The following PCNX2 variants were observed in gnomAD, a reference collection of about 807,000 sequenced individuals.
The protein encoded by PCNX2 is pecanex-like protein 2.
Under a neutral mutation model 223.8 loss-of-function variants are expected in PCNX2, and 168 were observed. The observed-to-expected ratio is 0.75, with a 90% CI of 0.66 to 0.85. The LOEUF is 0.85. PCNX2 is among the 40% of genes least tolerant of loss of function. The pLI, the probability that PCNX2 is intolerant of heterozygous loss-of-function variation, is 0.00. For synonymous variants in PCNX2, 1,006 were observed against 1,052.6 expected, an observed-to-expected ratio of 0.96 and a Z score of 0.86; for missense variants, 2,507 against 2,675.5, an observed-to-expected ratio of 0.94 and a Z score of 1.39.
At chr1:233,044,672 T>C (rs1181231362) in intron 25 of PCNX2, among the ~76,000 whole-genome samples, 1 of 151,890 alleles carries the variant, frequency 6.6e-6, no homozygotes, top group Non-Finnish European at 1.5e-5. Context: ...TTGTATTCTT[T>C]CTTTTTTTTT....
chr1:233,130,458 C>A (rs1278451802), intron 21 of PCNX2, among the ~76,000 whole-genome samples: 2 of 129,742 alleles, frequency 1.5e-5, no homozygotes, highest in Non-Finnish European at 3.3e-5. Context: ...TTTCTGCCCC[C>A]CAACTTTTGT....
chr1:233,283,694 GA>G (rs768038530), intron 1 of PCNX2, among the ~76,000 whole-genome samples: 14 of 147,974 alleles, frequency 9.5e-5, no homozygotes, highest in East Asian at 5.9e-4. Context: ...GAGGACGGGG[GA>G]AAAAAAAACT....
At chr1:233,122,372 A>G (rs889895621) in intron 21 of PCNX2, among the ~76,000 whole-genome samples, 1 of 152,126 alleles carries the variant, frequency 6.6e-6, no homozygotes. Flanking sequence ...CATTCCTTCA[A>G]TGTGGGCTGT....
intron 1 of PCNX2, among the ~76,000 whole-genome samples, chr1:233,264,136 C>G (rs1196070890): frequency 6.6e-6 from 1 of 152,118 alleles, no homozygotes; most frequent in Non-Finnish European, 1.5e-5. Flanking sequence ...TCACTGGGAC[C>G]CGTGGAGTTG....
At chr1:233,100,985 T>C (rs11580152) in intron 21 of PCNX2, among the ~76,000 whole-genome samples, 22,912 of 152,210 alleles carry the variant, frequency 0.15, 1,809 homozygotes, top group East Asian at 0.21. Flanking sequence ...CAAGGCTGAA[T>C]GGCATCGCAG....
intron 1 of PCNX2, among the ~76,000 whole-genome samples, chr1:233,266,289 C>G (rs1398434526): frequency 6.6e-6 from 1 of 152,198 alleles, no homozygotes; most frequent in Non-Finnish European, 1.5e-5. Flanking sequence ...AGGAGGATCT[C>G]TTGAGCCCAG....
chr1:233,250,175 C>T (rs1252696277), intron 8 of PCNX2, among the ~76,000 whole-genome samples: 2 of 152,208 alleles, frequency 1.3e-5, no homozygotes, highest in East Asian at 1.9e-4. Context: ...GGATGAATTC[C>T]GTCTGCCACT....
intron 21 of PCNX2, among the ~76,000 whole-genome samples, chr1:233,123,153 C>T (rs1475071382): frequency 6.6e-6 from 1 of 152,084 alleles, no homozygotes; most frequent in African/African-American, 2.4e-5. Flanking sequence ...TATTTGGGCT[C>T]ATTAATTATG....
intron 25 of PCNX2, among the ~76,000 whole-genome samples, chr1:233,041,552 T>C (rs1671646677): frequency 6.6e-6 from 1 of 152,196 alleles, no homozygotes; most frequent in African/African-American, 2.4e-5. Flanking sequence ...TCTTGGTCTG[T>C]CAACTGCTTC....
chr1:233,140,904 GC>G (rs1199205264), intron 19 of PCNX2, among the ~76,000 whole-genome samples: 7 of 152,178 alleles, frequency 4.6e-5, no homozygotes, highest in African/African-American at 1.7e-4. Flanking sequence ...GCTGCAGTGG[GC>G]CCCCACCTAC....
intron 25 of PCNX2, among the ~76,000 whole-genome samples, chr1:233,027,173 A>C (rs1671107873): frequency 6.6e-6 from 1 of 152,232 alleles, no homozygotes. Flanking sequence ...AACATCAGTT[A>C]CATCAAATGA....
At chr1:233,079,197 C>T (rs1293749723) in intron 23 of PCNX2, among the ~76,000 whole-genome samples, 1 of 152,048 alleles carries the variant, frequency 6.6e-6, no homozygotes, top group Non-Finnish European at 1.5e-5. Context: ...AGAATTATGG[C>T]AATAAAGGTA....
chr1:233,212,772 G>C (rs1681890231), intron 12 of PCNX2, among the ~76,000 whole-genome samples: 1 of 152,180 alleles, frequency 6.6e-6, no homozygotes, highest in Non-Finnish European at 1.5e-5. Flanking sequence ...CTACTGTTTT[G>C]AGCAAAGACA....
At chr1:233,142,012 A>C (rs1285547137) in intron 19 of PCNX2, among the ~76,000 whole-genome samples, 2 of 152,202 alleles carry the variant, frequency 1.3e-5, no homozygotes, top group East Asian at 3.9e-4. Flanking sequence ...GTGACAGATG[A>C]AACAGGGAGG....
chr1:233,189,157 G>GA (rs1364294767), intron 15 of PCNX2, among the ~76,000 whole-genome samples: 1 of 152,146 alleles, frequency 6.6e-6, no homozygotes, highest in African/African-American at 2.4e-5. Flanking sequence ...TTTTACAATG[G>GA]AAAAAACAAT....
At chr1:233,113,024 G>A (rs1322618448) in intron 21 of PCNX2, 2 of 1,286,558 alleles carry the variant, frequency 1.6e-6, no homozygotes, top group Admixed American at 2.3e-5. Flanking sequence ...TAAGGGATGT[G>A]TAGGTTCTGT....
intron 25 of PCNX2, among the ~76,000 whole-genome samples, chr1:233,049,862 G>C (rs1671938972): frequency 6.7e-6 from 1 of 149,194 alleles, no homozygotes; most frequent in South Asian, 2.1e-4. Flanking sequence ...ATTTACAATA[G>C]ACACACACAC....
At chr1:233,082,784 A>C (rs1673419512) in intron 23 of PCNX2, among the ~76,000 whole-genome samples, 1 of 152,218 alleles carries the variant, frequency 6.6e-6, no homozygotes, top group Non-Finnish European at 1.5e-5. Context: ...ATAAACTGTG[A>C]AGTTGAGAAC....
intron 26 of PCNX2, chr1:233,018,927 A>C: frequency 7.1e-6 from 7 of 985,450 alleles, no homozygotes; most frequent in Non-Finnish European, 8.4e-6. Flanking sequence ...GGGTGGACGG[A>C]AACGAAGTCT....
Sources: gnomAD v4.1 joint callset for allele counts (sites outside exome capture counted in the v4.1 genomes callset) on GRCh38, gnomAD v4.1.1 for gene constraint, MANE v1.5 for transcripts, NCBI Gene and HGNC (gene_info 2026-07-23, HGNC 2026-07-21) for gene names.